VPS50: variants seen among roughly 807,000 people sequenced by gnomAD.
VPS50 encodes the protein VPS50 subunit of EARP/GARPII complex, also known as syndetin.
In VPS50, 70 loss-of-function variants were observed where a neutral mutation model predicts 139.7. That is an observed-to-expected ratio of 0.50 (90% CI 0.41 to 0.61). The LOEUF (loss-of-function observed/expected upper bound fraction) is 0.61. Ranked by LOEUF, VPS50 falls within the 20% of genes least tolerant of loss-of-function variation. The pLI, the probability that VPS50 is intolerant of heterozygous loss-of-function variation, is 0.00. For missense variants in VPS50, 921 were observed against 1,133.7 expected (o/e 0.81, Z 2.69); for synonymous variants, 365 against 376.7 (o/e 0.97, Z 0.36).
At chr7:93,262,501 C>T (rs1795715666) in intron 9 of VPS50, among the ~76,000 whole-genome samples, 1 of 152,132 alleles carries the variant, frequency 6.6e-6, no homozygotes, top group Non-Finnish European at 1.5e-5. Context: ...AAGAAGCATG[C>T]TATGTTTAGA....
intron 12 of VPS50, among the ~76,000 whole-genome samples, chr7:93,285,680 G>T (rs1401434780): frequency 6.6e-6 from 1 of 152,170 alleles, no homozygotes; most frequent in Non-Finnish European, 1.5e-5. Flanking sequence ...TAACCAGGTA[G>T]GTTGGCTGAG....
chr7:93,309,933 A>T (rs764085474), intron 19 of VPS50, among the ~76,000 whole-genome samples: 1 of 151,948 alleles, frequency 6.6e-6, no homozygotes, highest in Non-Finnish European at 1.5e-5. Context: ...TTTAACTTGA[A>T]ATCTCGACTG....
At chr7:93,307,834 G>A (rs1797158937) in intron 18 of VPS50, among the ~76,000 whole-genome samples, 1 of 151,924 alleles carries the variant, frequency 6.6e-6, no homozygotes, top group African/African-American at 2.4e-5. Context: ...ATGTCCTTGA[G>A]AATCAGGGTC....
At chr7:93,271,187 A>G in intron 9 of VPS50, 33 bp from the exon 10 acceptor site, 1 of 1,557,522 alleles carries the variant, frequency 6.4e-7, no homozygotes, top group Middle Eastern at 1.7e-4. Flanking sequence ...TGTCTCAGAA[A>G]TAGAAAAAAA....
chr7:93,268,185 A>G (rs1795898513), intron 9 of VPS50, among the ~76,000 whole-genome samples: 1 of 152,178 alleles, frequency 6.6e-6, no homozygotes, highest in Admixed American at 6.6e-5. Context: ...TCCAATGTGA[A>G]GTTAGACCCC....
intron 12 of VPS50, among the ~76,000 whole-genome samples, chr7:93,289,734 A>G (rs954825895): frequency 6.6e-6 from 1 of 152,064 alleles, no homozygotes; most frequent in Non-Finnish European, 1.5e-5. Context: ...AGCTAACTAT[A>G]CAATTTTCCC....
intron 21 of VPS50, among the ~76,000 whole-genome samples, chr7:93,328,621 CAG>C (rs1428281584): frequency 6.6e-6 from 1 of 152,088 alleles, no homozygotes; most frequent in African/African-American, 2.4e-5. Flanking sequence ...TGCTAGTCTG[CAG>C]ATGGGAGAAA....
At chr7:93,330,882 A>G (rs1797921115) in intron 21 of VPS50, among the ~76,000 whole-genome samples, 1 of 152,088 alleles carries the variant, frequency 6.6e-6, no homozygotes, top group Non-Finnish European at 1.5e-5. Context: ...ATTGCAGATG[A>G]CATGGGAAAC....
chr7:93,252,690 C>G lies in VPS50; in HGVS notation c.140C>G (p.Pro47Arg). The G allele has an allele frequency of 6.2e-7, 1 of 1,603,412 alleles. No individual in the cohort carries two copies. ...FRELREQPSD[P>R]QAEQELINSI... The stretch of plus-strand genomic sequence containing the variant: ...GAACTTCGAGAACAGCCAAGTGACC[C>G]TCAAGCTGAACAAGAGCTTATTAAT... Residue 47 changes from proline to arginine, a missense_variant, in exon 3 of 28, where the codon CCT becomes CGT. Coordinates refer to ENST00000305866, the MANE Select transcript of VPS50 (RefSeq NM_017667.4).
chr7:93,324,566 CT>C (rs1461913918), intron 21 of VPS50, among the ~76,000 whole-genome samples: 1 of 152,154 alleles, frequency 6.6e-6, no homozygotes, highest in African/African-American at 2.4e-5. Flanking sequence ...GTCTTTGGTT[CT>C]GTTTATATGC....
intron 24 of VPS50, among the ~76,000 whole-genome samples, chr7:93,349,396 T>C (rs563497450): frequency 1.3e-5 from 2 of 152,274 alleles, no homozygotes; most frequent in Non-Finnish European, 2.9e-5. Context: ...TTGGAGGGCA[T>C]GGAAGCTCCT....
chr7:93,353,538 A>C (rs1798615852), intron 25 of VPS50, 102 bp from the exon 26 acceptor site: 2 of 1,308,054 alleles, frequency 1.5e-6, no homozygotes, highest in Non-Finnish European at 1.1e-6. Context: ...ACTTGGTTTG[A>C]TTCTGAGTCT....
intron 25 of VPS50, among the ~76,000 whole-genome samples, chr7:93,351,686 CTT>C (rs1363516034): frequency 2.0e-5 from 3 of 152,134 alleles, no homozygotes. Flanking sequence ...GACCTAATCA[CTT>C]TTAAAAAGCC....
chr7:93,252,336 T>C (rs1261205933), intron 2 of VPS50, among the ~76,000 whole-genome samples: 2 of 152,164 alleles, frequency 1.3e-5, no homozygotes, highest in African/African-American at 4.8e-5. Context: ...ATCTGTGATA[T>C]GTATGTATGA....
intron 4 of VPS50, among the ~76,000 whole-genome samples, chr7:93,254,951 T>C (rs759082668): frequency 6.6e-6 from 1 of 152,120 alleles, no homozygotes; most frequent in South Asian, 2.1e-4. Flanking sequence ...CAGTGGGTGC[T>C]AGGGTCTGCT....
Position 93,358,391 on chromosome 7 carries a change from A to G in VPS50, c.2850A>G (p.Gln950=). ...CCCATATCAATAAGAAAGCAAGACA[A>G]AAACTTCTAGCAGCTATAGATGATA... ...LGSHINKKAR[Q]KLLAAIDDID... The change falls in exon 28 of 28, where the codon CAA becomes CAG. Residue 950 remains glutamine (Q), a synonymous_variant. Coordinates refer to ENST00000305866, the MANE Select transcript of VPS50 (RefSeq NM_017667.4). 1 of 1,612,216 alleles carries G rather than the reference A, an allele frequency of 6.2e-7. No individual in the cohort carries two copies. Among genetic ancestry groups the G allele is most frequent in the Non-Finnish European group, 8.5e-7 (1 of 1,178,414 alleles).
At chr7:93,322,395 C>G (rs1472741052) in intron 20 of VPS50, among the ~76,000 whole-genome samples, 1 of 151,432 alleles carries the variant, frequency 6.6e-6, no homozygotes, top group African/African-American at 2.4e-5. Context: ...GTCAGGAGAT[C>G]GAGACCATCC....
At chr7:93,331,306 C>T (rs1797934443) in intron 21 of VPS50, among the ~76,000 whole-genome samples, 1 of 150,004 alleles carries the variant, frequency 6.7e-6, no homozygotes, top group South Asian at 2.1e-4. Context: ...TTCATAATGG[C>T]CAAAACATTT....
At chr7:93,345,779 C>A (rs933602586) in intron 23 of VPS50, among the ~76,000 whole-genome samples, 1 of 152,114 alleles carries the variant, frequency 6.6e-6, no homozygotes, top group African/African-American at 2.4e-5. Flanking sequence ...ATTCAACAAC[C>A]CTTCATGCAA....
Sources: gnomAD v4.1 joint callset for allele counts (sites outside exome capture counted in the v4.1 genomes callset) on GRCh38, gnomAD v4.1.1 for gene constraint, MANE v1.5 for transcripts, NCBI Gene and HGNC (gene_info 2026-07-23, HGNC 2026-07-21) for gene names.